The following RBMS1 variants were observed in gnomAD, a reference collection of about 807,000 sequenced individuals.
The protein encoded by RBMS1 is RNA-binding motif, single-stranded-interacting protein 1.
A neutral mutation model predicts 62.3 loss-of-function variants in RBMS1; 17 were observed. That is an observed-to-expected ratio of 0.27 (90% CI 0.19 to 0.41). The LOEUF (loss-of-function observed/expected upper bound fraction) is 0.41. RBMS1 is among the 10% of genes least tolerant of loss of function. RBMS1 has a pLI of 1.00. For synonymous variants in RBMS1, 172 were observed against 170.0 expected (o/e 1.01, Z -0.09); for missense variants, 334 against 504.5 (o/e 0.66, Z 3.24).
intron 1 of RBMS1, among the ~76,000 whole-genome samples, chr2:160,375,056 A>G (rs1553516891): frequency 6.6e-6 from 1 of 152,166 alleles, no homozygotes; most frequent in Non-Finnish European, 1.5e-5. Context: ...CGTGTGAAAT[A>G]AGCAGGTTAG....
chr2:160,412,538 G>A (rs888905846), intron 1 of RBMS1, among the ~76,000 whole-genome samples: 13 of 152,198 alleles, frequency 8.5e-5, no homozygotes, highest in African/African-American at 3.1e-4. Context: ...CTCAAAAAAA[G>A]CCTTATAGAT....
intron 1 of RBMS1, among the ~76,000 whole-genome samples, chr2:160,391,236 GACACAGACAGGCAGGC>G (rs997029665): frequency 3.5e-4 from 52 of 149,436 alleles, no homozygotes; most frequent in Admixed American, 1.7e-3. Context: ...GAGAAGTTTG[GACACAGACAGGCAGGC>G]ACACAGACAG....
chr2:160,293,430 AG>A (rs1168311604), intron 6 of RBMS1, among the ~76,000 whole-genome samples: 13 of 152,332 alleles, frequency 8.5e-5, no homozygotes, highest in Admixed American at 4.6e-4. Flanking sequence ...AAGCCTTTGA[AG>A]GGAGTCTGCC....
chr2:160,380,158 C>T (rs1023579829), intron 1 of RBMS1, among the ~76,000 whole-genome samples: 1 of 151,954 alleles, frequency 6.6e-6, no homozygotes, highest in East Asian at 1.9e-4. Context: ...AAAATGACAC[C>T]ATCTCTCCTC....
In RBMS1 at chr2:160,278,677, G is replaced by A. The variant is rs758085088; in HGVS notation, c.952-19C>T. The A allele has an allele frequency of 1.3e-6, 2 of 1,538,048 alleles. No homozygotes were observed. The highest frequency in any genetic ancestry group is 2.3e-5 in the South Asian group (2 of 86,502). ...CGGCACCCTGGGGAGTTGGAGACAG[G>A]AGCAAAATTAGACAAACTGAGGCAA... is the stretch of plus-strand genomic sequence containing the variant. On this transcript the variant is annotated intron_variant, in intron 10 of 13. Coordinates refer to ENST00000348849, the MANE Select transcript of RBMS1 (RefSeq NM_016836.4).
At chr2:160,354,373 A>G (rs1232477176) in intron 2 of RBMS1, among the ~76,000 whole-genome samples, 1 of 152,130 alleles carries the variant, frequency 6.6e-6, no homozygotes, top group Non-Finnish European at 1.5e-5. Context: ...GAAACAAAAT[A>G]TTATCTAGCC....
intron 1 of RBMS1, among the ~76,000 whole-genome samples, chr2:160,376,521 G>A (rs558081638): frequency 1.3e-4 from 20 of 152,032 alleles, no homozygotes; most frequent in Non-Finnish European, 2.4e-4. Flanking sequence ...CTTTCTCATG[G>A]TAAAATCTAG....
chr2:160,324,437 G>C (rs1163629212), intron 2 of RBMS1, among the ~76,000 whole-genome samples: 1 of 152,032 alleles, frequency 6.6e-6, no homozygotes, highest in Non-Finnish European at 1.5e-5. Flanking sequence ...ATTCATTTAA[G>C]GCACATGGGG....
rs954156014 is a variant in RBMS1, at chr2:160,308,327, C to T, written c.402+4829G>A. 1.8e-4 allele frequency among the ~76,000 whole-genome samples: 28 copies of T among 152,080 alleles called. 1 individual carries two copies. Among genetic ancestry groups the T allele is most frequent in the African/African-American group, 4.6e-4 (19 of 41,466 alleles). Reference sequence around the variant, plus strand: ...GGAAGGATCGCTTGAACCTGGGAGGCGGAGGTTGCAGTGAGCCGATATCAC... The same window carrying T: ...GGAAGGATCGCTTGAACCTGGGAGGTGGAGGTTGCAGTGAGCCGATATCAC... On this transcript the variant is annotated intron_variant, in intron 4 of 13. Transcript: ENST00000348849.
chr2:160,403,819 T>C (rs1291366122), intron 1 of RBMS1, among the ~76,000 whole-genome samples: 1 of 152,204 alleles, frequency 6.6e-6, no homozygotes, highest in African/African-American at 2.4e-5. Context: ...GGTTGGTTTG[T>C]AACTTAGCTA....
chr2:160,466,781 G>C (rs1053619853), intron 1 of RBMS1, among the ~76,000 whole-genome samples: 1 of 152,162 alleles, frequency 6.6e-6, no homozygotes, highest in Non-Finnish European at 1.5e-5. Context: ...TGCTTCAAGG[G>C]AAGCAGTGAG....
chr2:160,413,080 G>T (rs1361098616), intron 1 of RBMS1, among the ~76,000 whole-genome samples: 1 of 152,192 alleles, frequency 6.6e-6, no homozygotes, highest in African/African-American at 2.4e-5. Flanking sequence ...ATCAAGAAAA[G>T]AACTGACCTA....
chr2:160,352,885 C>T (rs1183773457), intron 2 of RBMS1, among the ~76,000 whole-genome samples: 2 of 152,044 alleles, frequency 1.3e-5, no homozygotes, highest in Non-Finnish European at 2.9e-5. Context: ...TCTGGTCTGA[C>T]TTTTATATCT....
At chr2:160,473,059 T>G (rs536042810) in intron 1 of RBMS1, among the ~76,000 whole-genome samples, 1 of 152,350 alleles carries the variant, frequency 6.6e-6, no homozygotes, top group African/African-American at 2.4e-5. Context: ...GGTCTGTAAG[T>G]TTGGCAGAAT....
intron 1 of RBMS1, among the ~76,000 whole-genome samples, chr2:160,439,868 C>G (rs1311371049): frequency 1.3e-5 from 2 of 152,148 alleles, no homozygotes; most frequent in African/African-American, 4.8e-5. Context: ...GCCCGGCCAA[C>G]ACAGCGAAAC....
chr2:160,289,319 A>G (rs1015643241), intron 6 of RBMS1, among the ~76,000 whole-genome samples: 1 of 152,226 alleles, frequency 6.6e-6, no homozygotes, highest in Admixed American at 6.5e-5. Context: ...AAAAGCAAAA[A>G]GGGAAGTAGT....
At chr2:160,361,366 T>C (rs962897114) in intron 2 of RBMS1, among the ~76,000 whole-genome samples, 2 of 152,172 alleles carry the variant, frequency 1.3e-5, no homozygotes, top group Non-Finnish European at 2.9e-5. Context: ...TGTAAATCTT[T>C]AAAAAAGGCT....
chr2:160,431,177 C>A (rs921175404), intron 1 of RBMS1, among the ~76,000 whole-genome samples: 2 of 143,782 alleles, frequency 1.4e-5, no homozygotes, highest in Non-Finnish European at 3.1e-5. Flanking sequence ...CCTAGGTAAC[C>A]CAGGCCATTC....
At chr2:160,438,965 C>T (rs1318307375) in intron 1 of RBMS1, among the ~76,000 whole-genome samples, 2 of 147,778 alleles carry the variant, frequency 1.4e-5, no homozygotes, top group South Asian at 4.3e-4. Context: ...TAGGGGCGGC[C>T]GGGCAGAGGC....
Sources: gnomAD v4.1 joint callset for allele counts (sites outside exome capture counted in the v4.1 genomes callset) on GRCh38, gnomAD v4.1.1 for gene constraint, MANE v1.5 for transcripts, NCBI Gene and HGNC (gene_info 2026-07-23, HGNC 2026-07-21) for gene names.